Variants in ANO10 observed in about 807,000 individuals in gnomAD.
ANO10 encodes anoctamin 10.
Under a neutral mutation model 74.7 loss-of-function variants are expected in ANO10, and 77 were observed. The observed-to-expected ratio is 1.03, with a 90% CI of 0.86 to 1.25. The LOEUF is 1.25. ANO10 is among the 50% of genes most tolerant of loss of function. The pLI is 0.00. For missense variants in ANO10, 721 were observed against 778.1 expected, an observed-to-expected ratio of 0.93 and a Z score of 0.87; for synonymous variants, 279 against 284.9, an observed-to-expected ratio of 0.98 and a Z score of 0.21.
intron 11 of ANO10, among the ~76,000 whole-genome samples, chr3:43,463,093 G>A (rs2075454898): frequency 6.6e-6 from 1 of 152,228 alleles, no homozygotes; most frequent in African/African-American, 2.4e-5. Context: ...AGGGAAATGA[G>A]GGGTCAGAGC....
intron 1 of ANO10, among the ~76,000 whole-genome samples, chr3:43,661,055 A>G (rs528783452): frequency 6.6e-5 from 10 of 152,200 alleles, no homozygotes; most frequent in Non-Finnish European, 1.5e-4. Flanking sequence ...TACAGAGACC[A>G]CTACAAAGAT....
intron 12 of ANO10, among the ~76,000 whole-genome samples, chr3:43,384,784 G>T (rs1353625084): frequency 2.6e-5 from 4 of 152,070 alleles, no homozygotes; most frequent in Non-Finnish European, 5.9e-5. Context: ...ATTAATCAAA[G>T]ACTTAAATCT....
intron 11 of ANO10, among the ~76,000 whole-genome samples, chr3:43,476,766 T>C (rs752907916): frequency 9.2e-5 from 14 of 152,278 alleles, no homozygotes; most frequent in African/African-American, 3.4e-4. Flanking sequence ...ATTAAAATAA[T>C]GAGATAGCCT....
At chr3:43,690,708 C>A (rs1212922131) in intron 1 of ANO10, 20 of 394,166 alleles carry the variant, frequency 5.1e-5, no homozygotes, top group Non-Finnish European at 8.5e-5. Flanking sequence ...CTAACTCATT[C>A]GGGTGAGTCT....
intron 12 of ANO10, among the ~76,000 whole-genome samples, chr3:43,391,972 A>G (rs2092284051): frequency 6.6e-6 from 1 of 152,164 alleles, no homozygotes; most frequent in Non-Finnish European, 1.5e-5. Context: ...GGTGATATCT[A>G]CCTAGATCTA....
chr3:43,564,576 T>C (rs1226157485), intron 8 of ANO10, among the ~76,000 whole-genome samples: 2 of 152,160 alleles, frequency 1.3e-5, no homozygotes, highest in Non-Finnish European at 2.9e-5. Flanking sequence ...TTGAGCATTT[T>C]CCCGTATCAT....
chr3:43,674,196 G>A (rs1210770325), intron 1 of ANO10, among the ~76,000 whole-genome samples: 1 of 152,220 alleles, frequency 6.6e-6, no homozygotes, highest in Non-Finnish European at 1.5e-5. Context: ...CTGGAGAGCA[G>A]TGGCATAATC....
At chr3:43,411,045 T>G (rs2092656719) in intron 12 of ANO10, among the ~76,000 whole-genome samples, 1 of 151,974 alleles carries the variant, frequency 6.6e-6, no homozygotes, top group African/African-American at 2.4e-5. Context: ...TCCGCAAATC[T>G]CTGGTATGTG....
intron 11 of ANO10, among the ~76,000 whole-genome samples, chr3:43,525,902 C>T (rs1318064254): frequency 1.3e-5 from 2 of 152,182 alleles, no homozygotes; most frequent in African/African-American, 4.8e-5. Context: ...CCTTCTAAAT[C>T]CAAGGGTCTG....
chr3:43,612,140 TTATATATATATATATATATATA>T (rs55675402), intron 1 of ANO10, among the ~76,000 whole-genome samples: 137 of 64,558 alleles, frequency 2.1e-3, no homozygotes, highest in East Asian at 6.8e-3. Flanking sequence ...ATTAAATATT[TTATATATATATATATATATATA>T]TATATATATA....
chr3:43,658,029 T>C (rs1229588941), intron 1 of ANO10, among the ~76,000 whole-genome samples: 1 of 152,228 alleles, frequency 6.6e-6, no homozygotes, highest in Non-Finnish European at 1.5e-5. Flanking sequence ...TTTTCTTCTT[T>C]GTCTTTTCCC....
chr3:43,420,032 C>T (rs1263279596), intron 12 of ANO10, among the ~76,000 whole-genome samples: 1 of 152,278 alleles, frequency 6.6e-6, no homozygotes, highest in Non-Finnish European at 1.5e-5. Flanking sequence ...TAGGGCTTTA[C>T]TTTAAAAGTC....
chr3:43,411,097 T>C (rs1180094012), intron 12 of ANO10, among the ~76,000 whole-genome samples: 1 of 152,120 alleles, frequency 6.6e-6, no homozygotes, highest in African/African-American at 2.4e-5. Context: ...ATTACCTCCA[T>C]AATTATGTCT....
chr3:43,657,452 C>G (rs1222282246), intron 1 of ANO10, among the ~76,000 whole-genome samples: 2 of 152,288 alleles, frequency 1.3e-5, no homozygotes, highest in East Asian at 3.9e-4. Flanking sequence ...ATAGGCCCCT[C>G]AGTTCCATTT....
At chr3:43,647,959 T>G (rs1218573717) in intron 1 of ANO10, among the ~76,000 whole-genome samples, 1 of 152,172 alleles carries the variant, frequency 6.6e-6, no homozygotes, top group African/African-American at 2.4e-5. Flanking sequence ...TTAAAGGCCC[T>G]CATCTCTCTA....
intron 4 of ANO10, among the ~76,000 whole-genome samples, chr3:43,597,681 C>T (rs1003799890): frequency 2.6e-5 from 4 of 152,040 alleles, no homozygotes; most frequent in African/African-American, 7.2e-5. Flanking sequence ...TTAATGGGTG[C>T]AGCACACCAA....
At chr3:43,590,393 A>G (rs17075848) in intron 4 of ANO10, among the ~76,000 whole-genome samples, 1 of 152,146 alleles carries the variant, frequency 6.6e-6, no homozygotes, top group East Asian at 1.9e-4. Flanking sequence ...TGAACACAAA[A>G]GAGTAAGTTA....
At chr3:43,571,163 A>G (rs1213007339) in intron 7 of ANO10, among the ~76,000 whole-genome samples, 1 of 150,462 alleles carries the variant, frequency 6.6e-6, no homozygotes, top group Admixed American at 6.6e-5. Context: ...TAGAATGGCA[A>G]TCATTAAAAA....
chr3:43,379,339 A>C (rs752401921), intron 12 of ANO10, among the ~76,000 whole-genome samples: 1 of 152,222 alleles, frequency 6.6e-6, no homozygotes, highest in Non-Finnish European at 1.5e-5. Context: ...GTGCTTTTGC[A>C]ATTGGAGAAC....
Sources: gnomAD v4.1 joint callset for allele counts (sites outside exome capture counted in the v4.1 genomes callset) on GRCh38, gnomAD v4.1.1 for gene constraint, MANE v1.5 for transcripts, NCBI Gene and HGNC (gene_info 2026-07-23, HGNC 2026-07-21) for gene names.